Variants in DAB1 observed in about 807,000 individuals in gnomAD.
DAB1 encodes disabled homolog 1.
In DAB1, 15 loss-of-function variants were observed where a neutral mutation model predicts 64.6. That is an observed-to-expected ratio of 0.23 (90% CI 0.16 to 0.36). DAB1 has a LOEUF of 0.36. DAB1 is among the 10% of genes least tolerant of loss of function. DAB1 has a pLI of 1.00. For synonymous variants in DAB1, 235 were observed against 251.9 expected, an observed-to-expected ratio of 0.93 and a Z score of 0.64; for missense variants, 596 against 706.7, an observed-to-expected ratio of 0.84 and a Z score of 1.78.
At chr1:57,123,006 C>G (rs775680782) in intron 4 of DAB1, among the ~76,000 whole-genome samples, 1 of 151,710 alleles carries the variant, frequency 6.6e-6, no homozygotes, top group African/African-American at 2.4e-5. Context: ...AATTACTTGC[C>G]CAAGATACTA....
chr1:57,888,821 A>G (rs2101979360), upstream of DAB1, among the ~76,000 whole-genome samples: 2 of 152,346 alleles, frequency 1.3e-5, no homozygotes, highest in Admixed American at 1.3e-4. Flanking sequence ...TATGTGCATC[A>G]TATTTTACTT....
chr1:57,175,402 G>T (rs1557867574), intron 2 of DAB1, among the ~76,000 whole-genome samples: 2 of 151,326 alleles, frequency 1.3e-5, no homozygotes, highest in Non-Finnish European at 2.9e-5. Flanking sequence ...TCTCTGTTGG[G>T]TTAACATACT....
chr1:57,916,995 T>A (rs1644736557), intron 5 of DAB1, among the ~76,000 whole-genome samples: 1 of 151,596 alleles, frequency 6.6e-6, no homozygotes, highest in African/African-American at 2.4e-5. Context: ...AGAAGGTAAA[T>A]GGGACAAACA....
rs1270966376 is a variant in DAB1 at position 57,596,500 on chromosome 1, T to G, written n.625+53092A>C. On this transcript the variant is annotated intron_variant and non_coding_transcript_variant, in intron 7 of 20. Transcript: ENST00000485760. ...TTATGCATCCATTTATGGATTTTTTTTTTTAAAGAGCCGATTACATGCCTG... is the reference window on the plus strand; with the variant it reads ...TTATGCATCCATTTATGGATTTTTTGTTTTAAAGAGCCGATTACATGCCTG... 2.6e-5 allele frequency among the ~76,000 whole-genome samples: 4 copies of G among 152,072 alleles called. No individual in the cohort carries two copies. The East Asian group carries it at 5.8e-4, about 22-fold the overall frequency.
chr1:57,865,680 G>T (rs1055854766), intron 1 of DAB1, among the ~76,000 whole-genome samples: 1 of 152,098 alleles, frequency 6.6e-6, no homozygotes, highest in African/African-American at 2.4e-5. Flanking sequence ...TCGCGGCCGT[G>T]CTCTCAGGAA....
At chr1:57,275,449 T>C (rs897453616) in intron 2 of DAB1, among the ~76,000 whole-genome samples, 4 of 152,210 alleles carry the variant, frequency 2.6e-5, no homozygotes, top group African/African-American at 9.6e-5. Flanking sequence ...AATCACTTGA[T>C]GACAGATATT....
Position 58,233,586 on chromosome 1 carries a change from C to A in DAB1, n.310-82998G>T, listed in dbSNP as rs545320240. On this transcript the variant is annotated intron_variant and non_coding_transcript_variant, in intron 4 of 20. Transcript: ENST00000485760. ...TCTCTCTAATTCTCATGATAATCTC[C>A]AATACAAAGTATTTACATCCCCTGT... 8.5e-5 allele frequency among the ~76,000 whole-genome samples: 13 copies of A among 152,286 alleles called. No homozygotes were observed. The South Asian group carries it at 2.7e-3, about 32-fold the overall frequency.
intron 1 of DAB1, among the ~76,000 whole-genome samples, chr1:57,321,061 G>A (rs572875300): frequency 2.6e-5 from 4 of 152,240 alleles, no homozygotes; most frequent in Non-Finnish European, 1.5e-5. Flanking sequence ...ATGATGAAAC[G>A]AAGGTATACA....
At chr1:57,042,069 AAGGAAAC>A (rs992675323) in intron 9 of DAB1, among the ~76,000 whole-genome samples, 15 of 152,130 alleles carry the variant, frequency 9.9e-5, no homozygotes, top group Admixed American at 4.6e-4. Flanking sequence ...ATTTTGTAAC[AAGGAAAC>A]AGGCTCAAAG....
At chr1:57,008,405 T>A (rs1646159488) in intron 14 of DAB1, among the ~76,000 whole-genome samples, 1 of 152,166 alleles carries the variant, frequency 6.6e-6, no homozygotes, top group African/African-American at 2.4e-5. Flanking sequence ...ATTAATTGGA[T>A]ATATGTGATG....
intron 3 of DAB1, among the ~76,000 whole-genome samples, chr1:58,419,281 C>G (rs1319522548): frequency 6.6e-6 from 1 of 152,184 alleles, no homozygotes; most frequent in African/African-American, 2.4e-5. Flanking sequence ...ATAAGACTCT[C>G]TAAGCCTCTC....
At chr1:57,226,672 A>AATATATATATATATATATATATATATAT (rs61660460) in intron 2 of DAB1, among the ~76,000 whole-genome samples, 12 of 135,978 alleles carry the variant, frequency 8.8e-5, no homozygotes, top group African/African-American at 2.8e-4. Context: ...TTAAAAAAAA[A>AATATATATATATATATATATATATATAT]ATATATATAT....
At chr1:58,204,990 G>A (rs893925624) in intron 4 of DAB1, among the ~76,000 whole-genome samples, 34 of 152,282 alleles carry the variant, frequency 2.2e-4, no homozygotes, top group African/African-American at 7.7e-4. Context: ...TAGCAGCTCT[G>A]TAATAGATAT....
chr1:57,810,218 T>C (rs1044227999), intron 6 of DAB1, among the ~76,000 whole-genome samples: 2 of 152,170 alleles, frequency 1.3e-5, no homozygotes, highest in Non-Finnish European at 2.9e-5. Context: ...ACATCACTTC[T>C]ATGATTCAGA....
chr1:57,024,793 C>A (rs570203340), intron 10 of DAB1, among the ~76,000 whole-genome samples: 1 of 152,182 alleles, frequency 6.6e-6, no homozygotes, highest in African/African-American at 2.4e-5. Flanking sequence ...ATAGCCCTGC[C>A]GTTCTGCAAC....
intron 5 of DAB1, among the ~76,000 whole-genome samples, chr1:58,120,463 C>A (rs1232805499): frequency 1.3e-5 from 2 of 152,110 alleles, no homozygotes; most frequent in African/African-American, 4.8e-5. Flanking sequence ...GCTTATTACC[C>A]CTATGAACCT....
intron 5 of DAB1, among the ~76,000 whole-genome samples, chr1:58,011,070 T>C (rs1190971022): frequency 6.6e-6 from 1 of 152,216 alleles, no homozygotes; most frequent in Non-Finnish European, 1.5e-5. Context: ...ATGAGACTGA[T>C]GGGAAATCTC....
At chr1:57,430,286 C>A (rs1235241439) in intron 7 of DAB1, among the ~76,000 whole-genome samples, 1 of 152,130 alleles carries the variant, frequency 6.6e-6, no homozygotes, top group Non-Finnish European at 1.5e-5. Context: ...AATTATTACA[C>A]AGCCCACAAT....
intron 1 of DAB1, among the ~76,000 whole-genome samples, chr1:57,873,000 C>T (rs1643979113): frequency 6.6e-6 from 1 of 152,048 alleles, no homozygotes; most frequent in African/African-American, 2.4e-5. Flanking sequence ...AAGAACTGAG[C>T]CCCCTGTTCT....
Sources: gnomAD v4.1 joint callset for allele counts (sites outside exome capture counted in the v4.1 genomes callset) on GRCh38, gnomAD v4.1.1 for gene constraint, MANE v1.5 for transcripts, NCBI Gene and HGNC (gene_info 2026-07-23, HGNC 2026-07-21) for gene names.